Variants in SMARCC2 observed in about 807,000 individuals in gnomAD.
SMARCC2 encodes the protein SWI/SNF complex subunit SMARCC2.
A neutral mutation model predicts 151.3 loss-of-function variants in SMARCC2; 15 were observed. The observed-to-expected ratio is 0.10, with a 90% confidence interval of 0.07 to 0.15. The LOEUF (loss-of-function observed/expected upper bound fraction) is 0.15. SMARCC2 is among the 10% of genes least tolerant of loss of function. The pLI, the probability that SMARCC2 is intolerant of heterozygous loss-of-function variation, is 1.00. For synonymous variants in SMARCC2, 590 were observed against 609.5 expected (o/e 0.97, Z 0.47); for missense variants, 1,031 against 1,599.7 (o/e 0.64, Z 6.06).
chr12:56,186,325 A>G (rs1877237786), intron 2 of SMARCC2, 85 bp from the exon 3 acceptor site: 2 of 869,710 alleles, frequency 2.3e-6, no homozygotes, highest in Admixed American at 1.9e-5. Flanking sequence ...TCCTTTCACA[A>G]AATCCCATGC....
chr12:56,178,920 G>C (rs913024939), intron 12 of SMARCC2, 73 bp from the exon 13 acceptor site: 50 of 1,603,120 alleles, frequency 3.1e-5, no homozygotes, highest in Non-Finnish European at 4.3e-5. Flanking sequence ...AAGCCCATCA[G>C]GCTAGCGAAA....
intron 15 of SMARCC2, among the ~76,000 whole-genome samples, chr12:56,177,450 T>C (rs1231187505): frequency 6.6e-6 from 1 of 152,138 alleles, no homozygotes; most frequent in Non-Finnish European, 1.5e-5. Flanking sequence ...TCTTGCTATG[T>C]TGCTCATGCT....
intron 16 of SMARCC2, 42 bp from the exon 17 acceptor site, chr12:56,173,891 GA>G: frequency 6.3e-7 from 1 of 1,575,534 alleles, no homozygotes; most frequent in Non-Finnish European, 8.7e-7. Flanking sequence ...CGGATAGCCA[GA>G]AAGGTGCACG....
At chr12:56,170,077 A>G in intron 23 of SMARCC2, 67 bp downstream of exon 23, 3 of 1,506,606 alleles carry the variant, frequency 2.0e-6, no homozygotes, top group South Asian at 2.2e-5. Context: ...TAAGCTGAAC[A>G]AGGCCAACTT....
intron 26 of SMARCC2, among the ~76,000 whole-genome samples, chr12:56,167,691 T>C (rs1188354849): frequency 2.0e-5 from 3 of 152,070 alleles, no homozygotes; most frequent in Non-Finnish European, 4.4e-5. Flanking sequence ...GACCTGGAGA[T>C]GCAGCAATCA....
chr12:56,178,976 C>T, intron 12 of SMARCC2, 21 bp downstream of exon 12: 2 of 1,613,420 alleles, frequency 1.2e-6, no homozygotes, highest in Non-Finnish European at 1.7e-6. Context: ...GACTGCCGTG[C>T]CCAAGAGGCT....
intron 15 of SMARCC2, 135 bp downstream of exon 15, chr12:56,177,886 CT>C: frequency 3.1e-6 from 2 of 638,448 alleles, no homozygotes; most frequent in Non-Finnish European, 5.5e-6. Context: ...GATATTGTGC[CT>C]TTGTAAGCCT....
chr12:56,174,317 G>T (rs1253490485), intron 16 of SMARCC2, among the ~76,000 whole-genome samples: 2 of 152,076 alleles, frequency 1.3e-5, no homozygotes, highest in Non-Finnish European at 2.9e-5. Context: ...TTGCCATTTT[G>T]TCCAGGCTGG....
At chr12:56,183,536 A>C in intron 7 of SMARCC2, 1 of 214,998 alleles carries the variant, frequency 4.7e-6, no homozygotes, top group South Asian at 8.8e-5. Flanking sequence ...CACTTTAAAG[A>C]CTGCATAATA....
At chr12:56,183,542 T>C (rs1284048716) in intron 7 of SMARCC2, 1 of 250,426 alleles carries the variant, frequency 4.0e-6, no homozygotes, top group Non-Finnish European at 7.8e-6. Flanking sequence ...AAAGACTGCA[T>C]AATAGTCCAC....
Position 56,169,655 on chromosome 12 carries a change from C to T in SMARCC2, c.2589G>A (p.Glu863=). The T allele has an allele frequency of 6.2e-7, 1 of 1,614,154 alleles. No homozygotes were observed. The highest frequency in any genetic ancestry group is 8.5e-7 in the Non-Finnish European group (1 of 1,180,014). The change falls in exon 25 of 29, where the codon GAG becomes GAA. Residue 863 remains glutamate, a synonymous_variant. Coordinates refer to ENST00000550164, the MANE Select transcript of SMARCC2 (RefSeq NM_001330288.2). ...EKEKEPKEGQ[E]EVLKEVVESE... is the part of the protein sequence containing the mutation. Reference sequence around the variant, plus strand: ...ACTCCACCACTTCCTTCAGCACTTCCTCCTGCCCTTCCTTTGGCTCCTTCT... The same window carrying T: ...ACTCCACCACTTCCTTCAGCACTTCTTCCTGCCCTTCCTTTGGCTCCTTCT...
Position 56,163,660 on chromosome 12 carries a change from G to C in SMARCC2, c.*29C>G. On this transcript the variant is annotated 3_prime_UTR_variant, in exon 29 of 29. Coordinates refer to ENST00000550164, the MANE Select transcript of SMARCC2 (RefSeq NM_001330288.2). ...CCTGGAACCGTGATGTCCACAGGGGGTGAGGGGGAGAGATGTCTGGCTGGC... is the reference window on the plus strand; with the variant it reads ...CCTGGAACCGTGATGTCCACAGGGGCTGAGGGGGAGAGATGTCTGGCTGGC... 4.4e-6 allele frequency: 6 copies of C among 1,376,342 alleles called. No homozygotes were observed. Among genetic ancestry groups the C allele is most frequent in the African/African-American group, 1.5e-5 (1 of 65,916 alleles). 85.3% of individuals were successfully genotyped at this position (1,376,342 alleles called of 1,614,324 possible).
Position 56,167,951 on chromosome 12 carries a change from AACACACACACACAC to A in SMARCC2, c.2850+95_2850+108del, listed in dbSNP as rs56809897. 1.1e-3 allele frequency: 791 copies of A among 689,526 alleles called. 2 individuals are homozygous for A. The highest frequency in any genetic ancestry group is 6.3e-3 in the African/African-American group (279 of 44,288). The allele number at this position is 689,526 out of a possible 1,614,324, so 42.7% of individuals were successfully genotyped here. ...CTGTTGCTTATCTCTCTTTCACTGA[AACACACACACACAC>A]ACACACACACACACACACACACACA... On this transcript the variant is annotated intron_variant, in intron 26 of 28. Coordinates refer to ENST00000550164, the MANE Select transcript of SMARCC2 (RefSeq NM_001330288.2).
rs986780229 is a variant in SMARCC2, at chr12:56,162,967, T to A, written c.*722A>T. 6.6e-6 allele frequency: 1 copy of A among 152,306 alleles called. No homozygotes were observed. The highest frequency in any genetic ancestry group is 1.5e-5 in the Non-Finnish European group (1 of 68,066). The allele number at this position is 152,306 out of a possible 1,614,324, so 9.4% of individuals were successfully genotyped here. A position where few individuals can be genotyped will look rare whatever the true frequency, so the allele number is the denominator to read the frequency against. On this transcript the variant is annotated 3_prime_UTR_variant, in exon 29 of 29. Transcript: ENST00000550164. ...TTAGGTTTTCCCCACCAAATACACA[T>A]ACGCTGACATCAACTAAGCAAGTGA...
intron 13 of SMARCC2, 61 bp downstream of exon 13, chr12:56,178,749 A>T: frequency 6.4e-7 from 1 of 1,562,428 alleles, no homozygotes; most frequent in South Asian, 1.1e-5. Context: ...GGGCAGAATG[A>T]ACTTTATAAT....
intron 15 of SMARCC2, among the ~76,000 whole-genome samples, chr12:56,175,896 T>C (rs899466600): frequency 6.6e-6 from 1 of 152,204 alleles, no homozygotes; most frequent in African/African-American, 2.4e-5. Flanking sequence ...TTCACTCTTG[T>C]TGCCCAGGCT....
chr12:56,172,069 C>A, intron 20 of SMARCC2, 132 bp from the exon 21 acceptor site: 2 of 747,402 alleles, frequency 2.7e-6, no homozygotes, highest in Non-Finnish European at 4.3e-6. Context: ...CTGCTAGGTC[C>A]AAGGGGGATC....
At chr12:56,164,800 T>G (rs1872483819) in intron 27 of SMARCC2, 69 bp from the exon 28 acceptor site, 9 of 1,284,598 alleles carry the variant, frequency 7.0e-6, no homozygotes, top group Non-Finnish European at 9.6e-6. Context: ...CCTTTTCTAT[T>G]TTTTTTTTAG....
chr12:56,182,626 G>T (rs190002379), intron 7 of SMARCC2, among the ~76,000 whole-genome samples: 3 of 151,060 alleles, frequency 2.0e-5, no homozygotes, highest in Non-Finnish European at 4.4e-5. Context: ...TCCAGCTGGG[G>T]TTTTTGTTTT....
Sources: gnomAD v4.1 joint callset for allele counts (sites outside exome capture counted in the v4.1 genomes callset) on GRCh38, gnomAD v4.1.1 for gene constraint, MANE v1.5 for transcripts, NCBI Gene and HGNC (gene_info 2026-07-23, HGNC 2026-07-21) for gene names.